Variants in IQCH observed in about 807,000 individuals in gnomAD.
IQCH encodes IQ domain-containing protein H.
A neutral mutation model predicts 117.0 loss-of-function variants in IQCH; 98 were observed. That is an observed-to-expected ratio of 0.84 (90% CI 0.71 to 0.99). The LOEUF (loss-of-function observed/expected upper bound fraction) is 0.99, where lower values mean the gene tolerates loss of function less well. Ranked by LOEUF, IQCH falls within the 50% of genes least tolerant of loss-of-function variation. The probability of loss-of-function intolerance (pLI) is 0.00; values close to 1 mark genes in which losing one functional copy is unlikely to be tolerated. For missense variants in IQCH, 1,102 were observed against 1,243.8 expected, an observed-to-expected ratio of 0.89 and a Z score of 1.72; for synonymous variants, 412 against 448.2, an observed-to-expected ratio of 0.92 and a Z score of 1.02.
chr15:67,494,267 C>A lies in IQCH; in HGVS notation c.2871C>A (p.Gly957=), dbSNP rs750648450. ...TGGATATCATTAACAGAACAATCGG[C>A]GAGGATCTCCAGGGGGTCCTCATGA... The part of the protein sequence containing the change: ...KRHKLGMLTI[G]EDLQGVLMTF... Residue 957 remains glycine, a synonymous_variant, in exon 20 of 21, where the codon GGC becomes GGA. Transcript: ENST00000335894. This position sits in a 1 kb window ranked among gnomAD's most constrained non-coding sequence, Gnocchi z 5.5. The A allele has an allele frequency of 6.2e-7, 1 of 1,607,048 alleles. No homozygotes were observed. The highest frequency in any genetic ancestry group is 8.5e-7 in the Non-Finnish European group (1 of 1,177,740).
intron 4 of IQCH, among the ~76,000 whole-genome samples, chr15:67,286,555 A>G (rs1483948259): frequency 6.6e-6 from 1 of 151,946 alleles, no homozygotes; most frequent in East Asian, 1.9e-4. Flanking sequence ...TCAGTATGAT[A>G]CTAGCTGTGG....
intron 14 of IQCH, among the ~76,000 whole-genome samples, chr15:67,412,677 G>A (rs1294251654): frequency 6.6e-6 from 1 of 152,180 alleles, no homozygotes; most frequent in East Asian, 1.9e-4. Flanking sequence ...GGGATTACAG[G>A]CATGAGCCAC....
chr15:67,265,738 T>C (rs1216358631), intron 3 of IQCH, among the ~76,000 whole-genome samples: 1 of 152,170 alleles, frequency 6.6e-6, no homozygotes, highest in African/African-American at 2.4e-5. Context: ...CAATCATACC[T>C]GGTTCTGCAC....
Position 67,463,868 on chromosome 15 carries a change from A to T in IQCH, c.2506-1259A>T, listed in dbSNP as rs1277644835. On this transcript the variant is annotated intron_variant, in intron 16 of 20. Coordinates refer to ENST00000335894, the MANE Select transcript of IQCH (RefSeq NM_001031715.3). The surrounding 1 kb of genome is among the most constrained non-coding windows in gnomAD (Gnocchi z 4.0). ...TTTATTTTTTATTTTTTTGAGACAG[A>T]GTCTCACTCTGCCACCCAGGCTGGA... Among the ~76,000 whole-genome samples, 5 of 151,976 alleles carry T rather than the reference A, an allele frequency of 3.3e-5. No individual in the cohort carries two copies. The highest frequency in any genetic ancestry group is 1.2e-4 in the African/African-American group (5 of 41,362).
rs2083753569 is a variant in IQCH at position 67,494,543 on chromosome 15, T to A, written c.2970+177T>A. 6.6e-6 allele frequency among the ~76,000 whole-genome samples: 1 copy of A among 152,218 alleles called. No individual in the cohort carries two copies. The highest frequency in any genetic ancestry group is 1.5e-5 in the Non-Finnish European group (1 of 68,026). On this transcript the variant is annotated intron_variant, in intron 20 of 20. Transcript: ENST00000335894. This position sits in a 1 kb window ranked among gnomAD's most constrained non-coding sequence, Gnocchi z 5.5. ...CACTGAGGCTGTTAGTTAAATTTAATAGTTTGAAACTTTTTCTTTGAAATA... is the reference window on the plus strand; with the variant it reads ...CACTGAGGCTGTTAGTTAAATTTAAAAGTTTGAAACTTTTTCTTTGAAATA...
At chr15:67,477,715 AATTT>A (rs1391434141) in intron 18 of IQCH, among the ~76,000 whole-genome samples, 3 of 152,204 alleles carry the variant, frequency 2.0e-5, no homozygotes, top group African/African-American at 7.2e-5. Context: ...GGTTTATCTG[AATTT>A]ATTTATTTTA....
At chr15:67,305,917 C>G (rs767721066) in intron 4 of IQCH, among the ~76,000 whole-genome samples, 80 of 152,150 alleles carry the variant, frequency 5.3e-4, no homozygotes, top group Non-Finnish European at 1.9e-4. Flanking sequence ...TATCTACATA[C>G]TTTGAGCAAA....
intron 1 of IQCH, 64 bp downstream of exon 1, chr15:67,255,011 C>T: frequency 6.7e-7 from 1 of 1,495,370 alleles, no homozygotes; most frequent in Non-Finnish European, 9.3e-7. Flanking sequence ...CGAGGTCCCG[C>T]GCGCCGATTC....
intron 5 of IQCH, among the ~76,000 whole-genome samples, chr15:67,341,233 AAGAG>A (rs947868128): frequency 2.6e-5 from 4 of 152,104 alleles, no homozygotes; most frequent in African/African-American, 9.7e-5. Context: ...AAGAAAGAAA[AAGAG>A]AGAGAAAATA....
In IQCH at chr15:67,395,573, G is replaced by A. The variant is rs769191443; in HGVS notation, c.1905+10G>A. 1 of 1,611,638 alleles carries A rather than the reference G, an allele frequency of 6.2e-7. No homozygotes were observed. The highest frequency in any genetic ancestry group is 1.1e-5 in the South Asian group (1 of 90,934). On this transcript the variant is annotated intron_variant, in intron 13 of 20. Coordinates refer to ENST00000335894, the MANE Select transcript of IQCH (RefSeq NM_001031715.3). The surrounding 1 kb of genome is among the most constrained non-coding windows in gnomAD (Gnocchi z 4.0). ...TTATAGTCAGCAACAGGTATGTGGG[G>A]TGGACAAGTGAAGCTCTGTTCAAAT...
intron 18 of IQCH, among the ~76,000 whole-genome samples, chr15:67,482,242 C>T (rs915222660): frequency 1.3e-5 from 2 of 152,160 alleles, no homozygotes; most frequent in South Asian, 2.1e-4. Context: ...GGATAGGGGC[C>T]CTGGAAATGT....
intron 8 of IQCH, among the ~76,000 whole-genome samples, chr15:67,367,652 G>A (rs917910742): frequency 6.6e-6 from 1 of 152,124 alleles, no homozygotes; most frequent in African/African-American, 2.4e-5. Flanking sequence ...GAAGAGCAAA[G>A]CTTAGTAAGG....
intron 4 of IQCH, among the ~76,000 whole-genome samples, chr15:67,336,426 A>G (rs531046307): frequency 3.3e-5 from 5 of 152,354 alleles, no homozygotes; most frequent in African/African-American, 1.2e-4. Flanking sequence ...TAACTGTAAT[A>G]AAAGCATTTT....
chr15:67,331,662 A>G (rs1968671940), intron 4 of IQCH, among the ~76,000 whole-genome samples: 1 of 152,202 alleles, frequency 6.6e-6, no homozygotes, highest in Non-Finnish European at 1.5e-5. Flanking sequence ...CATTCTCAAA[A>G]CAGTCCACAA....
rs1425175351 is a variant in IQCH, at chr15:67,443,617, A to G, written c.2506-21510A>G. On this transcript the variant is annotated intron_variant, in intron 16 of 20. Coordinates refer to ENST00000335894, the MANE Select transcript of IQCH (RefSeq NM_001031715.3). The surrounding 1 kb of genome is among the most constrained non-coding windows in gnomAD (Gnocchi z 5.0). The stretch of plus-strand genomic sequence containing the variant: ...AATGCATTATCGTCCTACCTCCCAC[A>G]TATTACCTTCAGTCCTACAATTTGC... Among the ~76,000 whole-genome samples, 1 of 152,168 alleles carries G rather than the reference A, an allele frequency of 6.6e-6. No individual in the cohort carries two copies. The highest frequency in any genetic ancestry group is 2.4e-5 in the African/African-American group (1 of 41,436).
intron 8 of IQCH, among the ~76,000 whole-genome samples, chr15:67,363,635 G>C (rs12915659): frequency 0.21 from 31,921 of 151,996 alleles, 4,071 homozygotes; most frequent in East Asian, 0.47. Flanking sequence ...TGGGGATTTG[G>C]TGTACAGATT....
chr15:67,392,785 C>A (rs372008077), intron 12 of IQCH, among the ~76,000 whole-genome samples: 2,370 of 113,246 alleles, frequency 0.021, no homozygotes, highest in Non-Finnish European at 0.022. Flanking sequence ...CCTGCTTCCA[C>A]AAAAAAAAAA....
chr15:67,413,169 C>T lies in IQCH; in HGVS notation c.2098-3762C>T, dbSNP rs1297103650. ...GCTACAGATCTTCCCTTACCAGCAT[C>T]TGCCCTTAAAGTTGTGGCAATTATG... On this transcript the variant is annotated intron_variant, in intron 14 of 20. Coordinates refer to ENST00000335894, the MANE Select transcript of IQCH (RefSeq NM_001031715.3). The surrounding 1 kb of genome is among the most constrained non-coding windows in gnomAD (Gnocchi z 5.0). Among the ~76,000 whole-genome samples the T allele has an allele frequency of 6.6e-6, 1 of 152,066 alleles. No homozygotes were observed. The highest frequency in any genetic ancestry group is 1.9e-4 in the East Asian group (1 of 5,196).
chr15:67,408,594 G>A lies in IQCH; in HGVS notation c.2097+8289G>A, dbSNP rs1269776632. ...TTCACTCTGATTAACTAAAGTCACTGCTTGCCCATTCCTTTTGCATAAAAT... is the reference window on the plus strand; with the variant it reads ...TTCACTCTGATTAACTAAAGTCACTACTTGCCCATTCCTTTTGCATAAAAT... On this transcript the variant is annotated intron_variant, in intron 14 of 20. Transcript: ENST00000335894. The surrounding 1 kb of genome is among the most constrained non-coding windows in gnomAD (Gnocchi z 4.2). 2 of 152,126 alleles carry A rather than the reference G, an allele frequency of 1.3e-5. No individual in the cohort carries two copies. The highest frequency in any genetic ancestry group is 2.9e-5 in the Non-Finnish European group (2 of 68,032). 9.4% of individuals were successfully genotyped at this position (152,126 alleles called of 1,614,324 possible). A position where few individuals can be genotyped will look rare whatever the true frequency, so the allele number is the denominator to read the frequency against.
Sources: allele counts gnomAD v4.1 joint callset (sites outside exome capture counted in the v4.1 genomes callset), GRCh38; gene constraint gnomAD v4.1.1; non-coding constraint Gnocchi (gnomAD v3.1); transcripts MANE v1.5; gene names NCBI Gene and HGNC (gene_info 2026-07-23, HGNC 2026-07-21).